Variants in ZSCAN5A observed in about 807,000 individuals in gnomAD.
ZSCAN5A encodes zinc finger and SCAN domain-containing protein 5A.
A neutral mutation model predicts 23.7 loss-of-function variants in ZSCAN5A; 12 were observed. The observed-to-expected ratio is 0.51, with a 90% confidence interval of 0.32 to 0.82. ZSCAN5A has a LOEUF of 0.82. ZSCAN5A is among the 40% of genes least tolerant of loss of function. The probability of loss-of-function intolerance (pLI) is 0.03; values close to 1 mark genes in which losing one functional copy is unlikely to be tolerated. For missense variants in ZSCAN5A, 597 were observed against 617.9 expected (o/e 0.97, Z 0.36); for synonymous variants, 257 against 239.9 (o/e 1.07, Z -0.66).
intron 2 of ZSCAN5A, chr19:56,321,126 T>C (rs929060475): frequency 3.3e-5 from 22 of 671,660 alleles, no homozygotes; most frequent in Admixed American, 7.6e-5. Flanking sequence ...TGCTCCACGC[T>C]GCTAGGATGT....
At position 56,221,425 on chromosome 19, in the gene ZSCAN5A, A is replaced by G. The variant is rs184916518; in HGVS notation, c.*150T>C. 69 of 867,090 alleles carry G rather than the reference A, an allele frequency of 8.0e-5. No homozygotes were observed. The South Asian group carries it at 8.5e-4, about 11-fold the overall frequency. The allele number at this position is 867,090 out of a possible 1,614,324, so 53.7% of individuals were successfully genotyped here. ...AAACAAAGCTCAGTGGGGAGGACACATATTTACTCAAACATCCTGGCAATT... is the reference window on the plus strand; with the variant it reads ...AAACAAAGCTCAGTGGGGAGGACACGTATTTACTCAAACATCCTGGCAATT... On this transcript the variant is annotated 3_prime_UTR_variant, in exon 6 of 6. Coordinates refer to ENST00000683990, the MANE Select transcript of ZSCAN5A (RefSeq NM_001322064.3).
At chr19:56,348,721 G>A (rs1346219371) in intron 2 of ZSCAN5A, among the ~76,000 whole-genome samples, 2 of 152,112 alleles carry the variant, frequency 1.3e-5, no homozygotes, top group Non-Finnish European at 2.9e-5. Context: ...ATATCACCAG[G>A]AAATTAGCAG....
At chr19:56,303,073 G>A (rs913295141) in intron 2 of ZSCAN5A, 32 of 393,038 alleles carry the variant, frequency 8.1e-5, no homozygotes, top group African/African-American at 5.6e-4. Flanking sequence ...CACCTCTGCT[G>A]TGGGTTAAGG....
intron 2 of ZSCAN5A, among the ~76,000 whole-genome samples, chr19:56,262,907 G>C (rs60505658): frequency 0.086 from 13,054 of 152,178 alleles, 1,798 homozygotes; most frequent in African/African-American, 0.29. Flanking sequence ...TATCTATATG[G>C]GTAATTATGC....
chr19:56,230,029 G>C (rs1002842114), intron 2 of ZSCAN5A, among the ~76,000 whole-genome samples: 10 of 152,168 alleles, frequency 6.6e-5, no homozygotes, highest in African/African-American at 2.4e-4. Context: ...TTTGCAAAGA[G>C]AGACAATTCG....
At chr19:56,262,415 T>G (rs941983988) in intron 2 of ZSCAN5A, among the ~76,000 whole-genome samples, 20 of 151,858 alleles carry the variant, frequency 1.3e-4, no homozygotes, top group African/African-American at 2.2e-4. Flanking sequence ...TCTAATTTTT[T>G]TTTTTTTGTT....
intron 2 of ZSCAN5A, among the ~76,000 whole-genome samples, chr19:56,298,925 T>C (rs1568719170): frequency 6.6e-6 from 1 of 152,188 alleles, no homozygotes. Context: ...TAAATATAGA[T>C]GGAAAATCCT....
intron 2 of ZSCAN5A, among the ~76,000 whole-genome samples, chr19:56,308,649 C>G (rs182492020): frequency 1.3e-5 from 2 of 151,074 alleles, no homozygotes; most frequent in Admixed American, 1.3e-4. Context: ...TGATTCCCCC[C>G]AAAACATCAC....
intron 2 of ZSCAN5A, among the ~76,000 whole-genome samples, chr19:56,312,902 C>T (rs758981467): frequency 1.2e-4 from 18 of 152,258 alleles, no homozygotes; most frequent in Admixed American, 4.6e-4. Context: ...GGTGTTTCCA[C>T]AGAAATCCTG....
intron 2 of ZSCAN5A, among the ~76,000 whole-genome samples, chr19:56,293,433 TG>T (rs1489241630): frequency 1.3e-5 from 2 of 152,182 alleles, no homozygotes; most frequent in Admixed American, 6.5e-5. Context: ...ATCCCTACAC[TG>T]GAAGTATTAT....
intron 2 of ZSCAN5A, among the ~76,000 whole-genome samples, chr19:56,322,470 A>C (rs1448646778): frequency 1.3e-5 from 2 of 152,148 alleles, no homozygotes; most frequent in African/African-American, 2.4e-5. Flanking sequence ...CTGGCTTTAC[A>C]CTTCACCAGC....
intron 2 of ZSCAN5A, chr19:56,263,168 T>C (rs1194957581): frequency 6.6e-6 from 1 of 152,186 alleles, no homozygotes; most frequent in African/African-American, 2.4e-5. Context: ...CCAAGAAGAT[T>C]GCCCACATAC....
intron 2 of ZSCAN5A, among the ~76,000 whole-genome samples, chr19:56,251,452 A>T (rs1214874094): frequency 6.6e-6 from 1 of 152,198 alleles, no homozygotes; most frequent in Non-Finnish European, 1.5e-5. Context: ...GTCAGAGTCC[A>T]ATGAAGAGAA....
chr19:56,349,144 T>C (rs1323613575), intron 2 of ZSCAN5A, among the ~76,000 whole-genome samples: 1 of 152,196 alleles, frequency 6.6e-6, no homozygotes, highest in Non-Finnish European at 1.5e-5. Flanking sequence ...TGGTTAAGCA[T>C]GTAACCTCTC....
intron 2 of ZSCAN5A, among the ~76,000 whole-genome samples, chr19:56,277,405 CATT>C (rs1392770300): frequency 2.6e-5 from 4 of 152,100 alleles, no homozygotes; most frequent in South Asian, 2.1e-4. Context: ...GCCTTGAAAA[CATT>C]ATTCTCAGTG....
Position 56,224,785 on chromosome 19 carries a change from C to T in ZSCAN5A, c.262G>A (p.Val88Met), listed in dbSNP as rs1736430956. 6.2e-7 allele frequency: 1 copy of T among 1,609,156 alleles called. No individual in the cohort carries two copies. The highest frequency in any genetic ancestry group is 8.5e-7 in the Non-Finnish European group (1 of 1,177,220). The change falls in exon 3 of 6, where the codon GTG becomes ATG. Residue 88 changes from valine to methionine, a missense_variant. Val to Met is a conservative substitution (Grantham distance 21, BLOSUM62 1). This residue lies in a region of ZSCAN5A where 27 missense variants were observed against 93.5 expected (regional missense o/e 0.29). Transcript: ENST00000683990. ...ATGGAGATCATGAACTGCTCCATCA[C>T]CAGCATGTCCAGGATCTGCTCTTTG... is the stretch of plus-strand genomic sequence containing the variant. ...HTKEQILDML[V>M]MEQFMISMPQ...
Position 56,222,867 on chromosome 19 carries a change from C to A in ZSCAN5A, c.589-126G>T, listed in dbSNP as rs1341941734. On this transcript the variant is annotated intron_variant, in intron 4 of 5. Coordinates refer to ENST00000683990, the MANE Select transcript of ZSCAN5A (RefSeq NM_001322064.3). The stretch of plus-strand genomic sequence containing the variant: ...ACACAGGTGTGGAAATACGTGCAGA[C>A]TTCCCCTGGACCACCCCATCACCCC... 14 of 1,337,586 alleles carry A rather than the reference C, an allele frequency of 1.0e-5. No homozygotes were observed. In the East Asian group the frequency reaches 3.3e-4, roughly 31 times the overall value. The allele number at this position is 1,337,586 out of a possible 1,614,324, so 82.9% of individuals were successfully genotyped here.
chr19:56,353,430 TTCCC>T (rs2041680031), intron 2 of ZSCAN5A, among the ~76,000 whole-genome samples: 1 of 152,202 alleles, frequency 6.6e-6, no homozygotes, highest in Non-Finnish European at 1.5e-5. Flanking sequence ...TTTCTTCCAG[TTCCC>T]TCCCTCCATG....
chr19:56,307,879 G>A (rs10404293), intron 2 of ZSCAN5A, among the ~76,000 whole-genome samples: 63,042 of 152,030 alleles, frequency 0.41, 13,299 homozygotes, highest in Middle Eastern at 0.58. Context: ...AAGATCCCAA[G>A]TTTTCAGGGA....
Sources: gnomAD v4.1 joint callset for allele counts (sites outside exome capture counted in the v4.1 genomes callset) on GRCh38, gnomAD v4.1.1 for gene constraint, gnomAD v4.1.1 regional missense constraint, MANE v1.5 for transcripts, NCBI Gene and HGNC (gene_info 2026-07-23, HGNC 2026-07-21) for gene names.